DYM: variants seen among roughly 807,000 people sequenced by gnomAD.
The protein encoded by DYM is dyggve-Melchior-Clausen syndrome protein.
DYM carries 78 observed loss-of-function variants against 93.1 expected under a neutral mutation model. That is an observed-to-expected ratio of 0.84 (90% CI 0.70 to 1.01). The LOEUF is 1.01. DYM is among the 50% of genes least tolerant of loss of function. DYM has a pLI of 0.00. For synonymous variants in DYM, 321 were observed against 319.7 expected (o/e 1.00, Z -0.04); for missense variants, 789 against 845.0 (o/e 0.93, Z 0.82).
intron 6 of DYM, among the ~76,000 whole-genome samples, chr18:49,351,440 C>G (rs2065114770): frequency 6.6e-6 from 1 of 151,568 alleles, no homozygotes; most frequent in Admixed American, 6.6e-5. Context: ...TTGAATAACA[C>G]AAAAAACTGC....
chr18:49,325,499 A>G (rs1368063630), intron 8 of DYM, among the ~76,000 whole-genome samples: 1 of 152,236 alleles, frequency 6.6e-6, no homozygotes, highest in Non-Finnish European at 1.5e-5. Flanking sequence ...AGGTTTAATG[A>G]TCATCTGCAG....
Position 49,261,409 on chromosome 18 carries a change from G to A in DYM, c.1252-2916C>T, listed in dbSNP as rs1296458441. On this transcript the variant is annotated intron_variant, in intron 11 of 17. Coordinates refer to ENST00000675505, the MANE Select transcript of DYM (RefSeq NM_001353214.3). Reference sequence around the variant, plus strand: ...AGTTTGGCTGGGCATGGAGGCTCACGCCTGTAATCCCAGCACTTTGGGAGG... The same window carrying A: ...AGTTTGGCTGGGCATGGAGGCTCACACCTGTAATCCCAGCACTTTGGGAGG... 5.3e-5 allele frequency among the ~76,000 whole-genome samples: 8 copies of A among 152,192 alleles called. No individual in the cohort carries two copies. The East Asian group carries it at 1.3e-3, about 26-fold the overall frequency.
chr18:49,336,957 A>G (rs1468783730), intron 6 of DYM, among the ~76,000 whole-genome samples: 1 of 152,212 alleles, frequency 6.6e-6, no homozygotes, highest in Non-Finnish European at 1.5e-5. Context: ...ATGAGACTCT[A>G]GCTAGAGAAC....
chr18:49,362,406 C>G (rs1299032483), intron 6 of DYM, among the ~76,000 whole-genome samples: 1 of 152,088 alleles, frequency 6.6e-6, no homozygotes, highest in Non-Finnish European at 1.5e-5. Flanking sequence ...GCTGCAGTGA[C>G]AGAAGCCCAG....
intron 17 of DYM, among the ~76,000 whole-genome samples, chr18:49,080,149 C>CGGG (rs1186307263): frequency 2.5e-4 from 2 of 7,922 alleles, no homozygotes; most frequent in African/African-American, 1.4e-3. Flanking sequence ...GGGCGGCTGG[C>CGGG]CGGGGGGGGG....
chr18:49,155,568 G>C (rs1334220210), intron 15 of DYM, among the ~76,000 whole-genome samples: 1 of 152,082 alleles, frequency 6.6e-6, no homozygotes, highest in Non-Finnish European at 1.5e-5. Context: ...CCAGCCCTAA[G>C]GCATCTACTA....
chr18:49,110,405 C>T (rs972189656), intron 16 of DYM, among the ~76,000 whole-genome samples: 1 of 152,144 alleles, frequency 6.6e-6, no homozygotes, highest in African/African-American at 2.4e-5. Context: ...CTATAGTACA[C>T]ACTAGCAGTA....
Position 49,038,326 on chromosome 18 carries a change from T to C in DYM, c.*5729A>G, listed in dbSNP as rs1176621266. On this transcript the variant is annotated 3_prime_UTR_variant, in exon 18 of 18. Coordinates refer to ENST00000675505, the MANE Select transcript of DYM (RefSeq NM_001353214.3). ...TAAAATATCACTCTGGTTGCATATT[T>C]GTCTAAATTTCCTATCAAATTTTCT... Among the ~76,000 whole-genome samples, 1 of 152,266 alleles carries C rather than the reference T, an allele frequency of 6.6e-6. No individual in the cohort carries two copies.
chr18:49,140,180 A>G (rs2084319000), intron 15 of DYM, among the ~76,000 whole-genome samples: 4 of 152,176 alleles, frequency 2.6e-5, no homozygotes, highest in Admixed American at 2.6e-4. Context: ...AAAAGTCTAA[A>G]GCTTTTTCAG....
At chr18:49,364,031 T>C (rs1003328424) in intron 5 of DYM, among the ~76,000 whole-genome samples, 8 of 152,240 alleles carry the variant, frequency 5.3e-5, no homozygotes, top group Non-Finnish European at 4.4e-5. Flanking sequence ...TTCTTCCCAG[T>C]GTCTGCTTCC....
intron 1 of DYM, among the ~76,000 whole-genome samples, chr18:49,457,586 C>T (rs1308894377): frequency 6.6e-6 from 1 of 152,126 alleles, no homozygotes; most frequent in Non-Finnish European, 1.5e-5. Flanking sequence ...ACGGCCCTCT[C>T]GTTGCATGTA....
At chr18:49,232,958 T>C (rs1194082052) in intron 13 of DYM, among the ~76,000 whole-genome samples, 2 of 152,122 alleles carry the variant, frequency 1.3e-5, no homozygotes, top group Admixed American at 1.3e-4. Flanking sequence ...TCCCTTTCAG[T>C]AGATAAGGTA....
In DYM at chr18:49,281,570, T is replaced by C. The variant is rs577551047; in HGVS notation, c.1125+427A>G. Among the ~76,000 whole-genome samples, 6 of 152,268 alleles carry C rather than the reference T, an allele frequency of 3.9e-5. No homozygotes were observed. The South Asian group carries it at 6.2e-4, about 16-fold the overall frequency. ...AACCAAGCCAAATGTCCAACAATGA[T>C]AGACTGGATTAAGAAAATGTGGCAC... On this transcript the variant is annotated intron_variant, in intron 10 of 17. Transcript: ENST00000675505.
chr18:49,333,646 A>G, intron 7 of DYM, 82 bp downstream of exon 7: 1 of 1,429,498 alleles, frequency 7.0e-7, no homozygotes, highest in Non-Finnish European at 9.8e-7. Context: ...GAGATATGGG[A>G]CGATACTCAG....
chr18:49,136,469 T>C (rs1313285498), intron 15 of DYM, among the ~76,000 whole-genome samples: 2 of 152,176 alleles, frequency 1.3e-5, no homozygotes, highest in South Asian at 2.1e-4. Flanking sequence ...GGACTTAATA[T>C]GTATAATATT....
chr18:49,272,006 G>GC (rs1555671145), intron 11 of DYM, among the ~76,000 whole-genome samples, 172 bp downstream of exon 11: 1 of 134,588 alleles, frequency 7.4e-6, no homozygotes, highest in African/African-American at 2.8e-5. Context: ...AGTCATTCTG[G>GC]AAAAAAAAAA....
At chr18:49,056,564 G>A (rs1043199398) in intron 17 of DYM, among the ~76,000 whole-genome samples, 3 of 152,170 alleles carry the variant, frequency 2.0e-5, no homozygotes, top group African/African-American at 7.2e-5. Context: ...TAAAGACAGA[G>A]TCTCACTCTG....
intron 6 of DYM, 151 bp from the exon 7 acceptor site, chr18:49,334,004 G>A (rs1568270082): frequency 1.2e-6 from 1 of 818,084 alleles, no homozygotes; most frequent in Admixed American, 2.8e-5. Context: ...CAAAAATTAA[G>A]TCAAGCAAAA....
chr18:49,197,318 A>C (rs891302801), intron 14 of DYM, among the ~76,000 whole-genome samples: 3 of 152,178 alleles, frequency 2.0e-5, no homozygotes, highest in African/African-American at 7.2e-5. Context: ...GCTTTTTAAA[A>C]GTTCTAATGT....
Sources: gnomAD v4.1 joint callset for allele counts (sites outside exome capture counted in the v4.1 genomes callset) on GRCh38, gnomAD v4.1.1 for gene constraint, MANE v1.5 for transcripts, NCBI Gene and HGNC (gene_info 2026-07-23, HGNC 2026-07-21) for gene names.